The following NFATC1 variants were observed in gnomAD, a reference collection of about 807,000 sequenced individuals.
NFATC1 encodes nuclear factor of activated T-cells, cytoplasmic 1.
Under a neutral mutation model 76.0 loss-of-function variants are expected in NFATC1, and 22 were observed. The observed-to-expected ratio is 0.29, with a 90% CI of 0.21 to 0.41. NFATC1 has a LOEUF of 0.41. NFATC1 is among the 10% of genes least tolerant of loss of function. The probability of loss-of-function intolerance (pLI) is 1.00; values close to 1 mark genes in which losing one functional copy is unlikely to be tolerated. For synonymous variants in NFATC1, 704 were observed against 613.1 expected, an observed-to-expected ratio of 1.15 and a Z score of -2.19; for missense variants, 1,357 against 1,337.7, an observed-to-expected ratio of 1.01 and a Z score of -0.23.
At chr18:79,408,820 TTCA>T (rs2148175741) in intron 1 of NFATC1, among the ~76,000 whole-genome samples, 1 of 152,088 alleles carries the variant, frequency 6.6e-6, no homozygotes, top group African/African-American at 2.4e-5. Context: ...TATCCATTCA[TTCA>T]TCATCCATCC....
At chr18:79,406,638 C>T (rs926719386) in intron 1 of NFATC1, among the ~76,000 whole-genome samples, 3 of 152,152 alleles carry the variant, frequency 2.0e-5, no homozygotes, top group Non-Finnish European at 2.9e-5. Flanking sequence ...TGTAATGTGG[C>T]GTTTTTGGCT....
intron 9 of NFATC1, among the ~76,000 whole-genome samples, chr18:79,518,080 G>A (rs541792687): frequency 3.3e-5 from 5 of 152,334 alleles, no homozygotes; most frequent in African/African-American, 1.2e-4. Context: ...CGTTGTCTGT[G>A]CTGCACCCTG....
chr18:79,448,748 G>C (rs2087326378), intron 3 of NFATC1, 34 bp from the exon 4 acceptor site: 1 of 1,597,572 alleles, frequency 6.3e-7, no homozygotes, highest in African/African-American at 1.3e-5. Context: ...CTGTGCTCTG[G>C]GTGCTGAGCA....
intron 6 of NFATC1, among the ~76,000 whole-genome samples, chr18:79,458,915 A>G (rs2087898656): frequency 6.6e-6 from 1 of 152,240 alleles, no homozygotes; most frequent in Non-Finnish European, 1.5e-5. Context: ...TCTGGCCGTG[A>G]ATACTATTGC....
At chr18:79,406,762 C>G (rs1010149405) in intron 1 of NFATC1, among the ~76,000 whole-genome samples, 1 of 152,158 alleles carries the variant, frequency 6.6e-6, no homozygotes, top group African/African-American at 2.4e-5. Context: ...TCGACAAAAC[C>G]CCCTCGTGGG....
intron 6 of NFATC1, among the ~76,000 whole-genome samples, chr18:79,460,617 G>A (rs1054688280): frequency 2.6e-5 from 4 of 152,226 alleles, no homozygotes; most frequent in Non-Finnish European, 5.9e-5. Flanking sequence ...AAAATACCTC[G>A]TGTTTTGCAT....
intron 3 of NFATC1, among the ~76,000 whole-genome samples, chr18:79,443,095 C>T (rs1421372426): frequency 6.6e-6 from 1 of 152,094 alleles, no homozygotes; most frequent in Non-Finnish European, 1.5e-5. Context: ...GCTGGAAGGT[C>T]CCTGTGCGGG....
intron 8 of NFATC1, among the ~76,000 whole-genome samples, chr18:79,473,098 TCAGA>T (rs1367729377): frequency 6.6e-6 from 1 of 152,240 alleles, no homozygotes; most frequent in African/African-American, 2.4e-5. Context: ...CTACCTGATT[TCAGA>T]CAGAGCGGAT....
intron 1 of NFATC1, among the ~76,000 whole-genome samples, chr18:79,406,309 A>G (rs2085436056): frequency 6.6e-6 from 1 of 152,202 alleles, no homozygotes; most frequent in Non-Finnish European, 1.5e-5. Flanking sequence ...AATTGCAGTT[A>G]AGCCCCCTTT....
intron 2 of NFATC1, among the ~76,000 whole-genome samples, chr18:79,423,196 G>C (rs767360505): frequency 6.6e-6 from 1 of 152,136 alleles, no homozygotes; most frequent in Admixed American, 6.5e-5. Context: ...GTGGAGCCAC[G>C]GGACGCCATC....
intron 1 of NFATC1, among the ~76,000 whole-genome samples, chr18:79,409,804 C>A (rs973019475): frequency 1.3e-5 from 2 of 152,206 alleles, no homozygotes; most frequent in African/African-American, 4.8e-5. Flanking sequence ...TAGACTAAGG[C>A]GTCCAGATGT....
Position 79,451,682 on chromosome 18 carries a change from G to T in NFATC1, c.1769G>T (p.Arg590Leu). Residue 590 changes from arginine (R) to leucine (L), a missense_variant, in exon 6 of 10, where the codon CGC (arginine) becomes CTC (leucine). Transcript: ENST00000427363. ...VASNPIECSQ[R>L]SAQELPLVEK... is the part of the protein sequence containing the mutation. ...CCCTCTCCTTCTGATGCAGCCCAGC[G>T]CTCAGCTCAGGAGCTGCCTCTGGTG... 2 of 1,606,304 alleles carry T rather than the reference G, an allele frequency of 1.2e-6. No individual in the cohort carries two copies. Among genetic ancestry groups the T allele is most frequent in the Non-Finnish European group, 1.7e-6 (2 of 1,176,294 alleles).
intron 8 of NFATC1, chr18:79,469,801 G>A (rs992922666): frequency 2.0e-6 from 2 of 985,190 alleles, no homozygotes; most frequent in Non-Finnish European, 2.4e-6. Context: ...GTCCCCACAA[G>A]CACACTGACC....
At position 79,443,018 on chromosome 18, in the gene NFATC1, A is replaced by G. The variant is rs532527022; in HGVS notation, c.1387-5764A>G. ...TTTTGAAAACCAAAAATCCCAAGAG[A>G]CTTATGTTGAAACAGCCCTTCCCGG... On this transcript the variant is annotated intron_variant, in intron 3 of 9. Transcript: ENST00000427363. Among the ~76,000 whole-genome samples, 403 of 152,132 alleles carry G rather than the reference A, an allele frequency of 2.6e-3. 4 individuals are homozygous for G. The highest frequency in any genetic ancestry group is 8.0e-3 in the Admixed American group (123 of 15,280).
chr18:79,441,831 A>G (rs2086986859), intron 3 of NFATC1, among the ~76,000 whole-genome samples: 1 of 151,836 alleles, frequency 6.6e-6, no homozygotes, highest in African/African-American at 2.4e-5. Flanking sequence ...ATTCTAGATG[A>G]TTCTCTCTCC....
chr18:79,487,540 G>A (rs1319662171), intron 9 of NFATC1, among the ~76,000 whole-genome samples: 4 of 152,238 alleles, frequency 2.6e-5, no homozygotes, highest in Non-Finnish European at 4.4e-5. Flanking sequence ...CGCACAGCGC[G>A]GAGATGCACC....
intron 9 of NFATC1, chr18:79,516,085 G>C (rs2090375736): frequency 6.6e-6 from 1 of 152,080 alleles, no homozygotes; most frequent in Admixed American, 6.5e-5. Context: ...TTTCCACACG[G>C]CGTTTGCATT....
chr18:79,516,756 A>G (rs1053259424), intron 9 of NFATC1, among the ~76,000 whole-genome samples: 12 of 152,228 alleles, frequency 7.9e-5, no homozygotes, highest in Non-Finnish European at 1.5e-4. Context: ...GCACACACCG[A>G]AGCCACCTCT....
At chr18:79,433,180 C>T (rs2086658322) in intron 2 of NFATC1, among the ~76,000 whole-genome samples, 1 of 152,238 alleles carries the variant, frequency 6.6e-6, no homozygotes, top group African/African-American at 2.4e-5. Context: ...TCACCTGTCT[C>T]ATGGCAGCCA....
Sources: gnomAD v4.1 joint callset for allele counts (sites outside exome capture counted in the v4.1 genomes callset) on GRCh38, gnomAD v4.1.1 for gene constraint, MANE v1.5 for transcripts, NCBI Gene and HGNC (gene_info 2026-07-23, HGNC 2026-07-21) for gene names.